The following NMNAT3 variants were observed in gnomAD, a reference collection of about 807,000 sequenced individuals.
NMNAT3 encodes nicotinamide nucleotide adenylyltransferase 3, also known as nicotinamide/nicotinic acid mononucleotide adenylyltransferase 3.
NMNAT3 carries 21 observed loss-of-function variants against 24.8 expected under a neutral mutation model. That is an observed-to-expected ratio of 0.85 (90% CI 0.60 to 1.22). The LOEUF (loss-of-function observed/expected upper bound fraction) is 1.22, where lower values mean the gene tolerates loss of function less well. Among genes scored for constraint, NMNAT3 ranks in the 50% most tolerant of loss-of-function variants. NMNAT3 has a pLI of 0.00. For synonymous variants in NMNAT3, 136 were observed against 155.2 expected, an observed-to-expected ratio of 0.88 and a Z score of 0.92; for missense variants, 387 against 436.6, an observed-to-expected ratio of 0.89 and a Z score of 1.01.
At chr3:139,658,777 C>T (rs758706805) in intron 1 of NMNAT3, among the ~76,000 whole-genome samples, 7 of 151,774 alleles carry the variant, frequency 4.6e-5, no homozygotes, top group South Asian at 2.1e-4. Context: ...CATTTTTTTT[C>T]GTTTCTTTGA....
Position 139,611,851 on chromosome 3 carries a change from T to C in NMNAT3, c.109+15765A>G, listed in dbSNP as rs141758790. ...ACTAGTACTCTTCTTTCTGGGGGTATCTGTTGAGTCGATCATAAAAAAACA... is the reference window on the plus strand; with the variant it reads ...ACTAGTACTCTTCTTTCTGGGGGTACCTGTTGAGTCGATCATAAAAAAACA... On this transcript the variant is annotated intron_variant, in intron 3 of 6. Transcript: ENST00000643695. Among the ~76,000 whole-genome samples, 1,482 of 152,258 alleles carry C rather than the reference T, an allele frequency of 9.7e-3. 13 individuals carry two copies. The highest frequency in any genetic ancestry group is 0.014 in the Non-Finnish European group (928 of 68,012).
intron 1 of NMNAT3, among the ~76,000 whole-genome samples, chr3:139,638,325 A>G (rs553558633): frequency 1.3e-5 from 2 of 152,180 alleles, no homozygotes; most frequent in East Asian, 3.9e-4. Context: ...GTAATATTTG[A>G]TTCCTCTATT....
At chr3:139,568,855 A>G (rs1937604722) in intron 6 of NMNAT3, 1 of 152,152 alleles carries the variant, frequency 6.6e-6, no homozygotes, top group Non-Finnish European at 1.5e-5. Context: ...ATGTCTATTA[A>G]GTCTGCTTGG....
intron 1 of NMNAT3, among the ~76,000 whole-genome samples, chr3:139,649,834 T>C (rs941446193): frequency 6.6e-6 from 1 of 152,196 alleles, no homozygotes; most frequent in Non-Finnish European, 1.5e-5. Flanking sequence ...TTTGAAACAC[T>C]GTTTTGGATT....
intron 3 of NMNAT3, among the ~76,000 whole-genome samples, chr3:139,621,285 A>T (rs2055760184): frequency 6.6e-6 from 1 of 152,198 alleles, no homozygotes; most frequent in African/African-American, 2.4e-5. Context: ...GCTATTGAGC[A>T]TCTTTCCATA....
intron 2 of NMNAT3, among the ~76,000 whole-genome samples, chr3:139,629,324 T>A (rs2056190913): frequency 6.6e-6 from 1 of 152,186 alleles, no homozygotes; most frequent in African/African-American, 2.4e-5. Flanking sequence ...GTGGGTGTGA[T>A]CTTTCCCCAG....
At chr3:139,571,687 A>G (rs1344242291) in intron 6 of NMNAT3, among the ~76,000 whole-genome samples, 2 of 152,144 alleles carry the variant, frequency 1.3e-5, no homozygotes, top group African/African-American at 4.8e-5. Context: ...GAGAGAGTTC[A>G]TATTAATGAG....
chr3:139,602,538 AC>A (rs773065673), intron 3 of NMNAT3, among the ~76,000 whole-genome samples: 5 of 152,210 alleles, frequency 3.3e-5, no homozygotes, highest in Non-Finnish European at 7.3e-5. Context: ...CCAGATTGTA[AC>A]CAAATCTGCT....
At chr3:139,604,994 G>A (rs2054878859) in intron 3 of NMNAT3, among the ~76,000 whole-genome samples, 1 of 152,206 alleles carries the variant, frequency 6.6e-6, no homozygotes, top group Non-Finnish European at 1.5e-5. Context: ...ACTGCAGTAT[G>A]CAGGGCACTG....
chr3:139,672,146 G>C (rs1258148304), intron 1 of NMNAT3, among the ~76,000 whole-genome samples: 1 of 152,168 alleles, frequency 6.6e-6, no homozygotes, highest in South Asian at 2.1e-4. Flanking sequence ...CTGTGACAAG[G>C]GGGAAGGACC....
At chr3:139,639,365 T>G (rs952388897) in intron 1 of NMNAT3, among the ~76,000 whole-genome samples, 1 of 152,234 alleles carries the variant, frequency 6.6e-6, no homozygotes, top group Non-Finnish European at 1.5e-5. Flanking sequence ...AGTAAGGCAT[T>G]GGCTGCTGAT....
intron 1 of NMNAT3, among the ~76,000 whole-genome samples, chr3:139,665,766 T>C (rs537029600): frequency 6.7e-6 from 1 of 150,186 alleles, no homozygotes; most frequent in Non-Finnish European, 1.5e-5. Flanking sequence ...GAGACCTTTT[T>C]GTATTGATAA....
At chr3:139,620,175 T>G (rs1194818983) in intron 3 of NMNAT3, among the ~76,000 whole-genome samples, 2 of 151,672 alleles carry the variant, frequency 1.3e-5, no homozygotes, top group Non-Finnish European at 2.9e-5. Flanking sequence ...GTATCTTATG[T>G]ATAACTGAAG....
intron 3 of NMNAT3, among the ~76,000 whole-genome samples, chr3:139,608,345 C>G (rs1044216865): frequency 6.6e-6 from 1 of 151,818 alleles, no homozygotes; most frequent in South Asian, 2.1e-4. Flanking sequence ...CAAACACTTG[C>G]AAAACTTATT....
At chr3:139,610,275 A>G (rs2055148382) in intron 3 of NMNAT3, among the ~76,000 whole-genome samples, 2 of 152,296 alleles carry the variant, frequency 1.3e-5, no homozygotes, top group South Asian at 4.1e-4. Context: ...ATGCCATGAA[A>G]ATTTCCTTCT....
intron 3 of NMNAT3, chr3:139,599,554 A>G (rs546748225): frequency 2.5e-5 from 15 of 609,816 alleles, no homozygotes; most frequent in Middle Eastern, 2.5e-4. Context: ...TTAAGAAAAA[A>G]CATAAAAAAG....
chr3:139,578,688 G>A (rs1480945904), intron 5 of NMNAT3, among the ~76,000 whole-genome samples, 184 bp downstream of exon 5: 5 of 152,014 alleles, frequency 3.3e-5, no homozygotes, highest in Admixed American at 3.3e-4. Context: ...TTCTGCTCAG[G>A]GACCTCTCTG....
chr3:139,601,720 C>T (rs1483132400), intron 3 of NMNAT3, among the ~76,000 whole-genome samples: 1 of 152,104 alleles, frequency 6.6e-6, no homozygotes, highest in African/African-American at 2.4e-5. Flanking sequence ...GGGATAAAGT[C>T]CCAAGGGAGT....
At chr3:139,650,256 AGT>A (rs1261612218) in intron 1 of NMNAT3, among the ~76,000 whole-genome samples, 4 of 152,220 alleles carry the variant, frequency 2.6e-5, no homozygotes, top group Admixed American at 6.5e-5. Flanking sequence ...AATCATAAAA[AGT>A]GTTGACATTT....
Sources: gnomAD v4.1 joint callset for allele counts (sites outside exome capture counted in the v4.1 genomes callset) on GRCh38, gnomAD v4.1.1 for gene constraint, MANE v1.5 for transcripts, NCBI Gene and HGNC (gene_info 2026-07-23, HGNC 2026-07-21) for gene names.